Variants in PCDHA4 observed in about 807,000 individuals in gnomAD.
PCDHA4 encodes the protein protocadherin alpha 4.
PCDHA4 carries 49 observed loss-of-function variants against 61.4 expected under a neutral mutation model. The ratio of observed to expected loss-of-function variants is 0.80; its 90% CI spans 0.63 to 1.01. PCDHA4 has a LOEUF of 1.01. Ranked by LOEUF, PCDHA4 falls within the 50% of genes least tolerant of loss-of-function variation. The probability of loss-of-function intolerance (pLI) is 0.00; values close to 1 mark genes in which losing one functional copy is unlikely to be tolerated. For synonymous variants in PCDHA4, 590 were observed against 550.3 expected, an observed-to-expected ratio of 1.07 and a Z score of -1.01; for missense variants, 1,254 against 1,235.8, an observed-to-expected ratio of 1.01 and a Z score of -0.22.
chr5:140,845,835 C>T (rs917105315), intron 1 of PCDHA4, among the ~76,000 whole-genome samples: 3 of 149,588 alleles, frequency 2.0e-5, no homozygotes, highest in Non-Finnish European at 4.5e-5. Flanking sequence ...TATTACCATT[C>T]TTAAGAGAAA....
In PCDHA4 at chr5:140,822,529, G is replaced by A. The variant is rs2150117025; in HGVS notation, c.2385+12957G>A. On this transcript the variant is annotated intron_variant, in intron 1 of 3. Coordinates refer to ENST00000530339, the MANE Select transcript of PCDHA4 (RefSeq NM_018907.4). ...ATCCATTTATAATGTCAGATTGTTGGAAAATGCACCAAGTGGGACATTAGT... is the reference window on the plus strand; with the variant it reads ...ATCCATTTATAATGTCAGATTGTTGAAAAATGCACCAAGTGGGACATTAGT... The A allele has an allele frequency of 3.7e-6, 6 of 1,613,816 alleles. No homozygotes were observed. In the East Asian group the frequency reaches 6.7e-5, roughly 18 times the overall value.
chr5:140,815,739 C>T (rs1177563989), intron 1 of PCDHA4: 1 of 152,090 alleles, frequency 6.6e-6, no homozygotes, highest in Non-Finnish European at 1.5e-5. Flanking sequence ...TCAAAAGGCC[C>T]CCTCTTAACA....
chr5:140,841,586 C>T (rs1327577851), intron 1 of PCDHA4: 1 of 1,614,026 alleles, frequency 6.2e-7, no homozygotes, highest in Non-Finnish European at 8.5e-7. Flanking sequence ...TGTGAATTCT[C>T]GGATCGACCG....
Position 140,899,097 on chromosome 5 carries a change from T to C in PCDHA4, c.2386-79852T>C, listed in dbSNP as rs1160754058. Among the ~76,000 whole-genome samples the C allele has an allele frequency of 9.8e-3, 1,481 of 151,828 alleles. 12 individuals carry two copies. The highest frequency in any genetic ancestry group is 0.026 in the African/African-American group (1,065 of 41,212). ...AGCTTAAGGAGATTTTGGGCTGAGATAATGGGGTTTTCTAGATATACAATC... is the reference window on the plus strand; with the variant it reads ...AGCTTAAGGAGATTTTGGGCTGAGACAATGGGGTTTTCTAGATATACAATC... On this transcript the variant is annotated intron_variant, in intron 1 of 3. Transcript: ENST00000530339.
Position 140,807,070 on chromosome 5 carries a change from A to G in PCDHA4, c.-118A>G, listed in dbSNP as rs1554123734. ...TTCTATTCTTACTGGAAGGAACCATATACACTCTTTGGAGTCTGAAATATG... is the reference window on the plus strand; with the variant it reads ...TTCTATTCTTACTGGAAGGAACCATGTACACTCTTTGGAGTCTGAAATATG... On this transcript the variant is annotated 5_prime_UTR_variant, in exon 1 of 4. In the 5' UTR this introduces an upstream ATG that the reference lacks. Transcript: ENST00000530339. 1.7e-6 allele frequency: 2 copies of G among 1,178,500 alleles called. No individual in the cohort carries two copies. The highest frequency in any genetic ancestry group is 2.4e-6 in the Non-Finnish European group (2 of 828,368). 73.0% of individuals were successfully genotyped at this position (1,178,500 alleles called of 1,614,324 possible). A position where few individuals can be genotyped will look rare whatever the true frequency, so the allele number is the denominator to read the frequency against.
chr5:140,822,225 G>C, intron 1 of PCDHA4: 1 of 1,614,254 alleles, frequency 6.2e-7, no homozygotes, highest in Non-Finnish European at 8.5e-7. Context: ...CAGATTCGCG[G>C]TTTCCGCTAG....
intron 1 of PCDHA4, chr5:140,866,274 A>G (rs1554160163): frequency 6.6e-6 from 1 of 152,156 alleles, no homozygotes; most frequent in African/African-American, 2.4e-5. Flanking sequence ...GTGAATAAAG[A>G]CAGTGTTTGG....
chr5:141,010,949 C>T lies in PCDHA4; in HGVS notation c.*1012C>T, dbSNP rs1554263219. The T allele has an allele frequency of 6.5e-6, 1 of 153,762 alleles. No individual in the cohort carries two copies. Among genetic ancestry groups the T allele is most frequent in the African/African-American group, 2.4e-5 (1 of 41,442 alleles). 9.5% of individuals were successfully genotyped at this position (153,762 alleles called of 1,614,324 possible). On this transcript the variant is annotated 3_prime_UTR_variant, in exon 4 of 4. Transcript: ENST00000530339. ...TTCAGTCTACAGCCATTTAAATGAT[C>T]ATTGCTGCTACAGAAGTGCTTTAAG...
intron 3 of PCDHA4, among the ~76,000 whole-genome samples, chr5:140,986,774 A>G (rs1201484926): frequency 6.6e-6 from 1 of 152,226 alleles, no homozygotes; most frequent in Non-Finnish European, 1.5e-5. Context: ...TTAATTAGGT[A>G]GCGGAAGCCA....
At chr5:140,881,333 G>A (rs1554171980) in intron 1 of PCDHA4, 1 of 984,778 alleles carries the variant, frequency 1.0e-6, no homozygotes, top group Admixed American at 6.1e-5. Context: ...TAACCAGGAC[G>A]CCGATTCGGG....
At chr5:140,858,424 C>T in intron 1 of PCDHA4, 3 of 1,553,410 alleles carry the variant, frequency 1.9e-6, no homozygotes, top group Non-Finnish European at 2.6e-6. Context: ...TTGGAGGGGA[C>T]CACTCTAGGA....
chr5:140,827,878 G>T, intron 1 of PCDHA4: 1 of 657,238 alleles, frequency 1.5e-6, no homozygotes, highest in East Asian at 2.7e-5. Context: ...ACTGTTACGT[G>T]AATTGATTTC....
At chr5:140,843,015 T>G in intron 1 of PCDHA4, 1 of 1,595,148 alleles carries the variant, frequency 6.3e-7, no homozygotes, top group Non-Finnish European at 8.6e-7. Context: ...GCGCCGGCAC[T>G]GCTGGAGCCT....
intron 1 of PCDHA4, among the ~76,000 whole-genome samples, chr5:140,972,660 A>ATTTTT (rs11350929): frequency 8.5e-5 from 10 of 117,262 alleles, no homozygotes; most frequent in Non-Finnish European, 1.6e-4. Context: ...AAGAAACCAA[A>ATTTTT]TTTTTTTTTT....
intron 1 of PCDHA4, among the ~76,000 whole-genome samples, chr5:140,819,080 C>T (rs1036053903): frequency 2.6e-5 from 4 of 152,098 alleles, no homozygotes; most frequent in Admixed American, 6.5e-5. Flanking sequence ...ATACAGGCAG[C>T]GCTAAGATGT....
chr5:140,822,459 G>A, intron 1 of PCDHA4: 1 of 1,613,794 alleles, frequency 6.2e-7, no homozygotes, highest in Non-Finnish European at 8.5e-7. Context: ...TTCAGTTGTT[G>A]ATCAATGTAT....
At chr5:140,959,871 T>C (rs572861997) in intron 1 of PCDHA4, among the ~76,000 whole-genome samples, 1 of 152,322 alleles carries the variant, frequency 6.6e-6, no homozygotes, top group Admixed American at 6.5e-5. Flanking sequence ...GCAAAATCTG[T>C]CAAGGAATAC....
chr5:140,908,754 A>G (rs1403008536), intron 1 of PCDHA4, among the ~76,000 whole-genome samples: 1 of 152,184 alleles, frequency 6.6e-6, no homozygotes, highest in African/African-American at 2.4e-5. Context: ...ACTTGCACAC[A>G]GCCTGGACGT....
intron 1 of PCDHA4, chr5:140,857,472 C>A: frequency 6.3e-7 from 1 of 1,598,636 alleles, no homozygotes; most frequent in Non-Finnish European, 8.6e-7. Flanking sequence ...CACATCTTCA[C>A]GGTGTCTGCG....
Sources: gnomAD v4.1 joint callset for allele counts (sites outside exome capture counted in the v4.1 genomes callset) on GRCh38, gnomAD v4.1.1 for gene constraint, MANE v1.5 for transcripts, NCBI Gene and HGNC (gene_info 2026-07-23, HGNC 2026-07-21) for gene names.